Variants in MAGI1 observed in about 807,000 individuals in gnomAD.
MAGI1 encodes membrane-associated guanylate kinase, WW and PDZ domain-containing protein 1.
A neutral mutation model predicts 139.9 loss-of-function variants in MAGI1; 58 were observed. The ratio of observed to expected loss-of-function variants is 0.41; its 90% CI spans 0.34 to 0.52. MAGI1 has a LOEUF of 0.52. Ranked by LOEUF, MAGI1 falls within the 20% of genes least tolerant of loss-of-function variation. The pLI is 0.12. For synonymous variants in MAGI1, 812 were observed against 737.9 expected (o/e 1.10, Z -1.63); for missense variants, 1,874 against 1,901.6 (o/e 0.99, Z 0.27).
intron 1 of MAGI1, among the ~76,000 whole-genome samples, chr3:65,779,105 G>A (rs910113690): frequency 1.3e-5 from 2 of 152,160 alleles, no homozygotes; most frequent in African/African-American, 4.8e-5. Context: ...AAAATTTTTT[G>A]ACTTTCCAAA....
At chr3:65,865,782 C>T (rs918885998) in intron 1 of MAGI1, among the ~76,000 whole-genome samples, 26 of 152,130 alleles carry the variant, frequency 1.7e-4, no homozygotes, top group South Asian at 4.1e-4. Flanking sequence ...CTGGGATCAC[C>T]GGCATTCGCC....
chr3:65,723,024 A>G (rs1459587136), intron 1 of MAGI1, among the ~76,000 whole-genome samples: 1 of 152,116 alleles, frequency 6.6e-6, no homozygotes, highest in African/African-American at 2.4e-5. Flanking sequence ...ATCACTGAGA[A>G]GGAGCAATGA....
intron 1 of MAGI1, among the ~76,000 whole-genome samples, chr3:65,776,152 T>A (rs78878493): frequency 0.027 from 4,177 of 152,186 alleles, 94 homozygotes; most frequent in Non-Finnish European, 0.045. Context: ...CATCCTCCTG[T>A]CTTCTACATA....
intron 1 of MAGI1, among the ~76,000 whole-genome samples, chr3:65,779,795 A>T (rs549427811): frequency 1.1e-4 from 17 of 152,240 alleles, no homozygotes; most frequent in Non-Finnish European, 1.9e-4. Context: ...TTGGAAAGTG[A>T]CGAGTATGCT....
chr3:65,729,162 G>A (rs2033943864), intron 1 of MAGI1, among the ~76,000 whole-genome samples: 1 of 130,356 alleles, frequency 7.7e-6, no homozygotes, highest in South Asian at 2.8e-4. Flanking sequence ...AAGAAAACAA[G>A]CCATCTACAA....
intron 2 of MAGI1, among the ~76,000 whole-genome samples, chr3:65,614,618 A>G (rs2083279242): frequency 6.6e-6 from 1 of 152,156 alleles, no homozygotes; most frequent in Admixed American, 6.6e-5. Context: ...TAAGTTACTC[A>G]GCCTCTCTGC....
rs145650793 is a variant in MAGI1, at chr3:65,570,166, G to A, written c.430+51806C>T. Among the ~76,000 whole-genome samples the A allele has an allele frequency of 1.0e-3, 156 of 150,606 alleles. 1 individual carries two copies. The Middle Eastern group carries it at 0.014, about 13-fold the overall frequency. On this transcript the variant is annotated intron_variant, in intron 2 of 22. Transcript: ENST00000402939. ...TGCCAAGGCTGAAGTACAGTGGTGC[G>A]ATCTTGGCTTACTGCAACCTCAGCC...
chr3:65,640,527 G>A (rs184722353), intron 1 of MAGI1, among the ~76,000 whole-genome samples: 271 of 152,162 alleles, frequency 1.8e-3, no homozygotes, highest in Non-Finnish European at 3.3e-3. Context: ...CAGAAAAAGC[G>A]ACAAAGCTCC....
intron 1 of MAGI1, among the ~76,000 whole-genome samples, chr3:65,721,246 C>T (rs925561422): frequency 3.3e-5 from 5 of 152,202 alleles, no homozygotes; most frequent in African/African-American, 4.8e-5. Context: ...TATTTTGTTA[C>T]TTCCCTCCCT....
chr3:66,031,549 T>C (rs1305384707), intron 1 of MAGI1, among the ~76,000 whole-genome samples: 3 of 152,178 alleles, frequency 2.0e-5, no homozygotes, highest in African/African-American at 7.2e-5. Context: ...CTGGAAACGA[T>C]GGACAAGTGC....
chr3:65,703,769 G>C (rs983209130), intron 1 of MAGI1, among the ~76,000 whole-genome samples: 3 of 152,168 alleles, frequency 2.0e-5, no homozygotes, highest in Admixed American at 1.3e-4. Context: ...AGGAGGGAGA[G>C]TGCCATTGTA....
At chr3:65,554,006 G>T (rs970320033) in intron 2 of MAGI1, among the ~76,000 whole-genome samples, 9 of 152,202 alleles carry the variant, frequency 5.9e-5, no homozygotes, top group African/African-American at 1.7e-4. Flanking sequence ...TCTAAGCAAT[G>T]AGCTTTTTTA....
At chr3:65,787,086 A>G (rs1164752539) in intron 1 of MAGI1, among the ~76,000 whole-genome samples, 3 of 152,274 alleles carry the variant, frequency 2.0e-5, no homozygotes, top group African/African-American at 7.2e-5. Flanking sequence ...CTGACATCAG[A>G]CTAATTTATG....
chr3:65,372,050 G>T, intron 18 of MAGI1: 1 of 216,360 alleles, frequency 4.6e-6, no homozygotes, highest in Non-Finnish European at 9.7e-6. Flanking sequence ...TGTTCTTAAT[G>T]GCATCTAGAA....
intron 1 of MAGI1, among the ~76,000 whole-genome samples, chr3:66,024,930 G>A (rs577263218): frequency 1.0e-3 from 154 of 152,254 alleles, no homozygotes; most frequent in Middle Eastern, 6.8e-3. Flanking sequence ...CAGGACTCTC[G>A]ATATACAGCC....
chr3:65,952,221 T>C (rs1018093301), intron 1 of MAGI1, among the ~76,000 whole-genome samples: 3 of 152,182 alleles, frequency 2.0e-5, no homozygotes, highest in African/African-American at 7.2e-5. Context: ...TAATGCCTGA[T>C]GAATCTGTGT....
At chr3:65,823,418 A>G (rs954842242) in intron 1 of MAGI1, among the ~76,000 whole-genome samples, 1 of 152,226 alleles carries the variant, frequency 6.6e-6, no homozygotes, top group South Asian at 2.1e-4. Context: ...TTCCTAATAC[A>G]TAGTAGGAGC....
intron 1 of MAGI1, among the ~76,000 whole-genome samples, chr3:66,005,666 C>T (rs187448861): frequency 1.1e-4 from 16 of 151,990 alleles, no homozygotes; most frequent in African/African-American, 3.9e-4. Context: ...GGGGGGAAAT[C>T]AAAGGGAGAG....
intron 12 of MAGI1, among the ~76,000 whole-genome samples, chr3:65,415,864 C>T (rs1330256228): frequency 6.6e-6 from 1 of 152,154 alleles, no homozygotes; most frequent in African/African-American, 2.4e-5. Flanking sequence ...GGTTATAAAA[C>T]AGCCTTCTCT....
Sources: allele counts gnomAD v4.1 joint callset (sites outside exome capture counted in the v4.1 genomes callset), GRCh38; gene constraint gnomAD v4.1.1; transcripts MANE v1.5; gene names NCBI Gene and HGNC (gene_info 2026-07-23, HGNC 2026-07-21).